Variants in BMPR1B observed in about 807,000 individuals in gnomAD.
BMPR1B encodes the protein bone morphogenetic protein receptor type-1B.
Under a neutral mutation model 59.1 loss-of-function variants are expected in BMPR1B, and 12 were observed. The ratio of observed to expected loss-of-function variants is 0.20; its 90% CI spans 0.13 to 0.33. The LOEUF (loss-of-function observed/expected upper bound fraction) is 0.33. BMPR1B is among the 10% of genes least tolerant of loss of function. The pLI, the probability that BMPR1B is intolerant of heterozygous loss-of-function variation, is 1.00. For synonymous variants in BMPR1B, 237 were observed against 207.3 expected (o/e 1.14, Z -1.23); for missense variants, 550 against 610.9 (o/e 0.90, Z 1.05).
At chr4:94,811,521 A>G (rs912680323) in intron 1 of BMPR1B, among the ~76,000 whole-genome samples, 2 of 151,982 alleles carry the variant, frequency 1.3e-5, no homozygotes, top group South Asian at 2.1e-4. Context: ...TTAAATCACT[A>G]TTTCTTTGCA....
chr4:94,906,329 T>C (rs1578786635), intron 2 of BMPR1B, among the ~76,000 whole-genome samples: 1 of 152,090 alleles, frequency 6.6e-6, no homozygotes, highest in Non-Finnish European at 1.5e-5. Flanking sequence ...GCATGGTACT[T>C]ATTACTTTTG....
At chr4:95,031,294 A>G (rs531317539) in intron 3 of BMPR1B, among the ~76,000 whole-genome samples, 1 of 152,152 alleles carries the variant, frequency 6.6e-6, no homozygotes, top group Non-Finnish European at 1.5e-5. Flanking sequence ...GAGAGCTGAG[A>G]GAGAATATGG....
chr4:95,154,333 C>T (rs1579174578), intron 12 of BMPR1B, among the ~76,000 whole-genome samples: 1 of 152,286 alleles, frequency 6.6e-6, no homozygotes, highest in Non-Finnish European at 1.5e-5. Context: ...TCAGCAGAAC[C>T]ACCTGCTTGT....
chr4:94,971,898 G>A (rs2149077699), intron 2 of BMPR1B, among the ~76,000 whole-genome samples: 1 of 151,884 alleles, frequency 6.6e-6, no homozygotes, highest in African/African-American at 2.4e-5. Context: ...AGTTGTAGAA[G>A]TATAGTATCT....
intron 1 of BMPR1B, among the ~76,000 whole-genome samples, chr4:94,786,759 T>A (rs1178941612): frequency 6.6e-6 from 1 of 152,060 alleles, no homozygotes; most frequent in African/African-American, 2.4e-5. Context: ...TTAGCCAGGA[T>A]AGTCTTGATC....
In BMPR1B at chr4:94,905,296, A is replaced by G. The variant is rs28498447; in HGVS notation, c.-113+29396A>G. Among the ~76,000 whole-genome samples, 1,125 of 152,168 alleles carry G rather than the reference A, an allele frequency of 7.4e-3. 17 individuals are homozygous for G. Among genetic ancestry groups the G allele is most frequent in the African/African-American group, 0.026 (1,076 of 41,552 alleles). On this transcript the variant is annotated intron_variant, in intron 2 of 12. Transcript: ENST00000515059. ...TTAGACAGGCATAGCAAATATCCCA[A>G]TTTAAATTTTATCTAGAACATGTAG...
Position 94,969,503 on chromosome 4 carries a change from A to C in BMPR1B, c.-112-26537A>C, listed in dbSNP as rs1465809429. ...TTTAACATTGGGTAGTATTCTCAGA[A>C]AATGTGTAGCTATTAAAATGCTTTT... On this transcript the variant is annotated intron_variant, in intron 2 of 12. Transcript: ENST00000515059. Among the ~76,000 whole-genome samples the C allele has an allele frequency of 2.6e-5, 4 of 152,206 alleles. No individual in the cohort carries two copies. In the East Asian group the frequency reaches 5.8e-4, roughly 22 times the overall value.
chr4:94,788,419 A>G lies in BMPR1B; in HGVS notation c.-183+30351A>G, dbSNP rs575118525. On this transcript the variant is annotated intron_variant, in intron 1 of 12. Transcript: ENST00000515059. Reference sequence around the variant, plus strand: ...TTTTGCTGCCTAGTGGCAACTGTGAATGGACATTTTGAACAGCCATAGCCT... The same window carrying G: ...TTTTGCTGCCTAGTGGCAACTGTGAGTGGACATTTTGAACAGCCATAGCCT... Among the ~76,000 whole-genome samples the G allele has an allele frequency of 9.9e-5, 15 of 152,196 alleles. 1 individual carries two copies. In the South Asian group the frequency reaches 3.1e-3, roughly 32 times the overall value.
chr4:94,929,739 C>T (rs1729021257), intron 2 of BMPR1B, among the ~76,000 whole-genome samples: 2 of 151,966 alleles, frequency 1.3e-5, no homozygotes, highest in Admixed American at 1.3e-4. Context: ...ATCTTACATC[C>T]CAGCACAGGT....
At chr4:94,834,524 C>G (rs1249487589) in intron 1 of BMPR1B, among the ~76,000 whole-genome samples, 2 of 151,816 alleles carry the variant, frequency 1.3e-5, no homozygotes, top group Non-Finnish European at 2.9e-5. Context: ...TCCTTCCAAA[C>G]TCTTCAAGAT....
chr4:94,845,960 T>C (rs1725309363), intron 1 of BMPR1B, among the ~76,000 whole-genome samples: 2 of 152,176 alleles, frequency 1.3e-5, no homozygotes, highest in African/African-American at 2.4e-5. Context: ...TCATCAAGTA[T>C]ATTAAAAGGT....
At chr4:94,792,049 C>G (rs2110604002) in intron 1 of BMPR1B, among the ~76,000 whole-genome samples, 1 of 152,084 alleles carries the variant, frequency 6.6e-6, no homozygotes, top group South Asian at 2.1e-4. Context: ...CTAAGTAGTT[C>G]CTCATTTATC....
intron 2 of BMPR1B, among the ~76,000 whole-genome samples, chr4:94,943,960 C>G (rs781292641): frequency 5.3e-5 from 8 of 152,090 alleles, no homozygotes; most frequent in Non-Finnish European, 1.2e-4. Context: ...CCAAAATGCT[C>G]CAAAACCCTA....
At chr4:94,785,323 C>T (rs1722723424) in intron 1 of BMPR1B, among the ~76,000 whole-genome samples, 1 of 152,154 alleles carries the variant, frequency 6.6e-6, no homozygotes. Context: ...CAGTGGTGCT[C>T]CTAGCACATA....
At chr4:94,921,444 C>T (rs935565572) in intron 2 of BMPR1B, among the ~76,000 whole-genome samples, 1 of 152,060 alleles carries the variant, frequency 6.6e-6, no homozygotes, top group African/African-American at 2.4e-5. Flanking sequence ...CCAGCATCTG[C>T]TTGGCTTTTG....
At chr4:95,124,936 T>G (rs559618759) in intron 7 of BMPR1B, 47 bp from the exon 8 acceptor site, 1 of 1,555,216 alleles carries the variant, frequency 6.4e-7, no homozygotes, top group African/African-American at 1.4e-5. Context: ...TTTTACTCCA[T>G]CATTGCATTT....
chr4:95,075,033 A>G (rs1406256371), intron 3 of BMPR1B, among the ~76,000 whole-genome samples: 1 of 152,160 alleles, frequency 6.6e-6, no homozygotes, highest in Non-Finnish European at 1.5e-5. Flanking sequence ...TTGTTGATAA[A>G]TGTATTCCTC....
intron 2 of BMPR1B, among the ~76,000 whole-genome samples, chr4:94,918,852 C>T (rs1728584150): frequency 6.6e-6 from 1 of 152,164 alleles, no homozygotes; most frequent in Non-Finnish European, 1.5e-5. Flanking sequence ...GTACCTGTCA[C>T]AGGGAACTTA....
chr4:94,947,000 C>T (rs1409649075), intron 2 of BMPR1B, among the ~76,000 whole-genome samples: 2 of 151,946 alleles, frequency 1.3e-5, no homozygotes, highest in African/African-American at 2.4e-5. Flanking sequence ...TGCAGCGAGC[C>T]GAGATCACTC....
Sources: allele counts gnomAD v4.1 joint callset (sites outside exome capture counted in the v4.1 genomes callset), GRCh38; gene constraint gnomAD v4.1.1; transcripts MANE v1.5; gene names NCBI Gene and HGNC (gene_info 2026-07-23, HGNC 2026-07-21).